The following RBBP5 variants were observed in gnomAD, a reference collection of about 807,000 sequenced individuals.
RBBP5 encodes retinoblastoma-binding protein 5.
In RBBP5, 5 loss-of-function variants were observed where a neutral mutation model predicts 72.2. The ratio of observed to expected loss-of-function variants is 0.07; its 90% CI spans 0.04 to 0.15. The LOEUF is 0.15. RBBP5 is among the 10% of genes least tolerant of loss of function. RBBP5 has a pLI of 1.00. For missense variants in RBBP5, 322 were observed against 652.2 expected (o/e 0.49, Z 5.51); for synonymous variants, 209 against 237.2 (o/e 0.88, Z 1.09).
chr1:205,111,033 C>T (rs1185375002), intron 3 of RBBP5, among the ~76,000 whole-genome samples: 1 of 152,064 alleles, frequency 6.6e-6, no homozygotes, highest in Non-Finnish European at 1.5e-5. Context: ...CACTGCACTC[C>T]AGCCTGGGTG....
At chr1:205,112,536 G>A (rs1656357796) in intron 3 of RBBP5, among the ~76,000 whole-genome samples, 1 of 151,928 alleles carries the variant, frequency 6.6e-6, no homozygotes, top group African/African-American at 2.4e-5. Context: ...ATTTGTTTTT[G>A]TGTCCCCAGA....
chr1:205,096,974 G>A, intron 11 of RBBP5, 63 bp from the exon 12 acceptor site: 1 of 1,414,768 alleles, frequency 7.1e-7, no homozygotes, highest in Non-Finnish European at 9.6e-7. Context: ...TAAACCATGA[G>A]CCCTTCCTCT....
rs761546776 is a variant in RBBP5 at position 205,099,830 on chromosome 1, A to G, written c.907-18T>C. 1 of 1,613,812 alleles carries G rather than the reference A, an allele frequency of 6.2e-7. No homozygotes were observed. The highest frequency in any genetic ancestry group is 8.5e-7 in the Non-Finnish European group (1 of 1,179,724). The stretch of plus-strand genomic sequence containing the variant: ...GGATGCCACTAAATTTTAGTGAAGG[A>G]AAGAAAAACAGGTTGTTAAGAACAG... On this transcript the variant is annotated intron_variant, in intron 8 of 13. Coordinates refer to ENST00000264515, the MANE Select transcript of RBBP5 (RefSeq NM_005057.4). This position sits in a 1 kb window ranked among gnomAD's most constrained non-coding sequence, Gnocchi z 4.7.
chr1:205,119,476 A>G (rs555442072), intron 1 of RBBP5, among the ~76,000 whole-genome samples: 103 of 152,310 alleles, frequency 6.8e-4, no homozygotes, highest in African/African-American at 2.2e-3. Flanking sequence ...AGCCTTTTGC[A>G]AGATCCTGCT....
intron 3 of RBBP5, among the ~76,000 whole-genome samples, chr1:205,106,707 A>C (rs1374875666): frequency 6.6e-6 from 1 of 152,236 alleles, no homozygotes; most frequent in Admixed American, 6.5e-5. Flanking sequence ...CTCAACTCGA[A>C]TAAGAAAAGA....
rs1655213218 is a variant in RBBP5 at position 205,088,480 on chromosome 1, A to G, written c.*307T>C. The stretch of plus-strand genomic sequence containing the variant: ...CAATGAAGTTAGATGAGCAAAACAT[A>G]AGTATCTTTTCTCCAGCAACATAAC... On this transcript the variant is annotated 3_prime_UTR_variant, in exon 14 of 14. Transcript: ENST00000264515. 9 of 339,158 alleles carry G rather than the reference A, an allele frequency of 2.7e-5. No individual in the cohort carries two copies. In the South Asian group the frequency reaches 4.0e-4, roughly 15 times the overall value. 21.0% of individuals were successfully genotyped at this position (339,158 alleles called of 1,614,324 possible).
At chr1:205,109,276 G>A (rs990346878) in intron 3 of RBBP5, among the ~76,000 whole-genome samples, 20 of 152,110 alleles carry the variant, frequency 1.3e-4, no homozygotes, top group Admixed American at 5.9e-4. Flanking sequence ...GATGATGGGA[G>A]GGTAAAGGGT....
At chr1:205,117,726 CAAGGAAA>C (rs1192886484) in intron 1 of RBBP5, among the ~76,000 whole-genome samples, 5 of 151,716 alleles carry the variant, frequency 3.3e-5, no homozygotes, top group African/African-American at 4.8e-5. Context: ...TTTATATGAG[CAAGGAAA>C]AAGGTATAAA....
At position 205,097,295 on chromosome 1, in the gene RBBP5, C is replaced by A. The variant is rs772476892; in HGVS notation, c.1166+31G>T. 77 of 1,550,266 alleles carry A rather than the reference C, an allele frequency of 5.0e-5. 1 individual carries two copies. The South Asian group carries it at 8.6e-4, about 17-fold the overall frequency. On this transcript the variant is annotated intron_variant, in intron 11 of 13. Transcript: ENST00000264515. ...CCCCAGAGGCCAGGAGCAGCAGTAG[C>A]CAAGGTGCCCAGCCTTCCGGGCCGG...
intron 1 of RBBP5, among the ~76,000 whole-genome samples, chr1:205,119,238 C>CA (rs932169363): frequency 3.3e-5 from 5 of 151,952 alleles, no homozygotes; most frequent in Admixed American, 3.3e-4. Flanking sequence ...ACTAAAAATA[C>CA]AAAAAATATA....
intron 11 of RBBP5, among the ~76,000 whole-genome samples, 168 bp from the exon 12 acceptor site, chr1:205,097,079 T>C: frequency 6.6e-6 from 1 of 152,150 alleles, no homozygotes; most frequent in Admixed American, 6.5e-5. Context: ...ATTGATAAAA[T>C]TGGTGATAAA....
At chr1:205,101,177 T>A (rs1345303426) in intron 6 of RBBP5, among the ~76,000 whole-genome samples, 1 of 152,240 alleles carries the variant, frequency 6.6e-6, no homozygotes. Context: ...ACGTATTTCC[T>A]ATTTCTGTTG....
chr1:205,114,121 T>A (rs1283509102), intron 3 of RBBP5, among the ~76,000 whole-genome samples: 4 of 152,242 alleles, frequency 2.6e-5, no homozygotes, highest in Non-Finnish European at 4.4e-5. Flanking sequence ...CCACCAGTAC[T>A]TTACTGGCCA....
chr1:205,108,666 C>G (rs1234049735), intron 3 of RBBP5, among the ~76,000 whole-genome samples: 1 of 152,160 alleles, frequency 6.6e-6, no homozygotes, highest in East Asian at 1.9e-4. Flanking sequence ...GTTTTGAAAT[C>G]AAGAGGAGGT....
chr1:205,117,006 T>C (rs532513434), intron 1 of RBBP5, among the ~76,000 whole-genome samples: 1 of 152,284 alleles, frequency 6.6e-6, no homozygotes, highest in South Asian at 2.1e-4. Flanking sequence ...TTCTTTGTTT[T>C]AGTTTTTTTG....
intron 4 of RBBP5, among the ~76,000 whole-genome samples, chr1:205,104,405 C>A (rs1655968058): frequency 6.6e-6 from 1 of 152,000 alleles, no homozygotes; most frequent in Non-Finnish European, 1.5e-5. Flanking sequence ...CACCTGTAAT[C>A]CCAGCTACTT....
At chr1:205,115,935 T>A (rs757808600) in intron 1 of RBBP5, 52 bp from the exon 2 acceptor site, 1 of 1,613,984 alleles carries the variant, frequency 6.2e-7, no homozygotes, top group Non-Finnish European at 8.5e-7. Flanking sequence ...ATAGCAAGGA[T>A]CATACAACTC....
chr1:205,096,748 C>T lies in RBBP5; in HGVS notation c.1330G>A (p.Gly444Arg), dbSNP rs1655634990. 6.2e-7 allele frequency: 1 copy of T among 1,614,088 alleles called. No homozygotes were observed. Among genetic ancestry groups the T allele is most frequent in the African/African-American group, 1.3e-5 (1 of 74,928 alleles). Residue 444 changes from glycine (G) to arginine (R), a missense_variant, in exon 12 of 14, where the codon GGG (glycine) becomes AGG (arginine). Physicochemically the swap from Gly to Arg is moderately radical, Grantham distance 125. Coordinates refer to ENST00000264515, the MANE Select transcript of RBBP5 (RefSeq NM_005057.4). ...GGTTTCTTCTTAGGTGGCTGGGACC[C>T]ATCTGCTGAGGACTGCCTCTTCTTC... ...SEKKRQSSADGSQPPKKKPKT... is the reference protein window; with the variant it reads ...SEKKRQSSADRSQPPKKKPKT...
intron 1 of RBBP5, among the ~76,000 whole-genome samples, chr1:205,121,182 G>A (rs1003201312): frequency 1.3e-5 from 2 of 152,158 alleles, no homozygotes; most frequent in Non-Finnish European, 2.9e-5. Context: ...CAGGAGAAAG[G>A]ACCTACAGTT....
Sources: gnomAD v4.1 joint callset for allele counts (sites outside exome capture counted in the v4.1 genomes callset) on GRCh38, gnomAD v4.1.1 for gene constraint, Gnocchi (gnomAD v3.1) non-coding constraint, MANE v1.5 for transcripts, NCBI Gene and HGNC (gene_info 2026-07-23, HGNC 2026-07-21) for gene names.